RGS7: variants seen among roughly 807,000 people sequenced by gnomAD.
RGS7 encodes regulator of G protein signaling 7.
A neutral mutation model predicts 81.1 loss-of-function variants in RGS7; 27 were observed. That is an observed-to-expected ratio of 0.33 (90% CI 0.25 to 0.46). The LOEUF (loss-of-function observed/expected upper bound fraction) is 0.46. RGS7 is among the 20% of genes least tolerant of loss of function. The pLI is 1.00. For missense variants in RGS7, 396 were observed against 607.4 expected (o/e 0.65, Z 3.66); for synonymous variants, 208 against 207.7 (o/e 1.00, Z -0.01).
intron 3 of RGS7, among the ~76,000 whole-genome samples, chr1:241,089,946 A>G (rs564546892): frequency 3.6e-4 from 53 of 147,916 alleles, no homozygotes; most frequent in African/African-American, 1.3e-3. Context: ...GTGAGCCGAG[A>G]TCGCGCCACT....
intron 3 of RGS7, among the ~76,000 whole-genome samples, chr1:241,036,064 G>T (rs1572383907): frequency 6.6e-6 from 1 of 152,074 alleles, no homozygotes; most frequent in Non-Finnish European, 1.5e-5. Flanking sequence ...ACTACTAATT[G>T]CTCAATAAAC....
intron 3 of RGS7, among the ~76,000 whole-genome samples, chr1:241,044,103 GTTTTTTTTGTTTTTT>G (rs2060777730): frequency 7.1e-6 from 1 of 140,824 alleles, no homozygotes; most frequent in South Asian, 2.2e-4. Flanking sequence ...CTTTCTTTTT[GTTTTTTTTGTTTTTT>G]TTTTTTTTGG....
At chr1:240,915,689 C>A (rs1224688501) in intron 6 of RGS7, among the ~76,000 whole-genome samples, 1 of 151,336 alleles carries the variant, frequency 6.6e-6, no homozygotes, top group Non-Finnish European at 1.5e-5. Context: ...CTGTCAACAA[C>A]AAAAAAAATT....
intron 10 of RGS7, chr1:240,823,341 T>A (rs73132447): frequency 0.028 from 14,681 of 529,936 alleles, 1,657 homozygotes; most frequent in African/African-American, 0.24. Context: ...CTACTTGTTC[T>A]GGAAAATTAG....
chr1:241,198,289 C>A (rs2073234089), intron 2 of RGS7, among the ~76,000 whole-genome samples: 1 of 151,492 alleles, frequency 6.6e-6, no homozygotes, highest in Non-Finnish European at 1.5e-5. Context: ...CTCAAAAAAT[C>A]AACAAAGAGC....
chr1:241,097,350 C>A (rs1345891968), intron 3 of RGS7, among the ~76,000 whole-genome samples: 2 of 152,078 alleles, frequency 1.3e-5, no homozygotes, highest in African/African-American at 4.8e-5. Context: ...AAAAAGAAGA[C>A]ACATTTTGTT....
At chr1:240,840,006 G>A (rs1297379006) in intron 9 of RGS7, among the ~76,000 whole-genome samples, 1 of 151,968 alleles carries the variant, frequency 6.6e-6, no homozygotes. Flanking sequence ...CGAACCTACT[G>A]GCTTCCCTCC....
At chr1:241,161,689 A>G (rs575155305) in intron 2 of RGS7, among the ~76,000 whole-genome samples, 1 of 150,704 alleles carries the variant, frequency 6.6e-6, no homozygotes, top group African/African-American at 2.4e-5. Context: ...CATGTACATT[A>G]CATCTCATGT....
At chr1:241,216,463 C>T (rs2074565520) in intron 2 of RGS7, among the ~76,000 whole-genome samples, 2 of 152,034 alleles carry the variant, frequency 1.3e-5, no homozygotes, top group African/African-American at 4.8e-5. Context: ...AACGTTTTTA[C>T]CAACCCAAAC....
At chr1:241,062,446 G>T (rs145927647) in intron 3 of RGS7, among the ~76,000 whole-genome samples, 1 of 152,044 alleles carries the variant, frequency 6.6e-6, no homozygotes, top group African/African-American at 2.4e-5. Context: ...TCAGATTACC[G>T]GTGAAAATTT....
At chr1:241,045,665 G>A (rs1029444551) in intron 3 of RGS7, among the ~76,000 whole-genome samples, 7 of 152,094 alleles carry the variant, frequency 4.6e-5, no homozygotes, top group African/African-American at 1.2e-4. Flanking sequence ...CGCCTGGCCT[G>A]TCTAGGTATC....
chr1:241,281,870 C>T (rs952932639), intron 2 of RGS7, among the ~76,000 whole-genome samples: 3 of 152,208 alleles, frequency 2.0e-5, no homozygotes, highest in African/African-American at 7.2e-5. Flanking sequence ...ACTATGTTCT[C>T]AACCAATCCA....
chr1:240,935,258 A>T (rs1676431802), intron 5 of RGS7, among the ~76,000 whole-genome samples: 1 of 151,882 alleles, frequency 6.6e-6, no homozygotes, highest in Non-Finnish European at 1.5e-5. Context: ...TGTCTACTAC[A>T]TTTTCTGGGA....
Position 241,355,731 on chromosome 1 carries a change from C to T in RGS7, c.46G>A (p.Asp16Asn). ...NYGQTSNGVADESPNMLVYRK... is the reference protein window; with the variant it reads ...NYGQTSNGVANESPNMLVYRK... ...TACACCAGCATGTTGGGTGATTCAT[C>T]GGCCACCCCGTTGCTGGTCTGCCCA... Residue 16 changes from aspartate to asparagine, a missense_variant, in exon 2 of 19, where the codon GAT (aspartate) becomes AAT (asparagine). Coordinates refer to ENST00000440928, the MANE Select transcript of RGS7 (RefSeq NM_001364886.1). 1.9e-6 allele frequency: 3 copies of T among 1,614,072 alleles called. No homozygotes were observed. Among genetic ancestry groups the T allele is most frequent in the South Asian group, 1.1e-5 (1 of 91,080 alleles).
In RGS7 at chr1:240,970,460, C is replaced by A. The variant is rs115486187; in HGVS notation, c.226+12619G>T. Among the ~76,000 whole-genome samples the A allele has an allele frequency of 6.4e-3, 977 of 152,284 alleles. 13 individuals are homozygous for A. The highest frequency in any genetic ancestry group is 0.022 in the African/African-American group (934 of 41,564). On this transcript the variant is annotated intron_variant, in intron 4 of 18. Transcript: ENST00000440928. ...ATGCAGTATTTAAATGCAAACGCAA[C>A]ACCAAAAACAAATAAGGTGGGGAGT...
Position 240,802,944 on chromosome 1 carries a change from C to T in RGS7, c.1319G>A (p.Arg440Lys). ...MKSDSYPRFI[R>K]SSAYQELLQA... ...TAGAAGCTCCTGATAGGCACTGGAT[C>T]TTATAAAACGTGGGTATGAATCACT... The change falls in exon 16 of 19, where the codon AGA becomes AAA. Residue 440 changes from arginine (R) to lysine (K), a missense_variant. Physicochemically the swap from Arg to Lys is conservative, Grantham distance 26. Transcript: ENST00000440928. 1 of 1,612,728 alleles carries T rather than the reference C, an allele frequency of 6.2e-7. No homozygotes were observed. Among genetic ancestry groups the T allele is most frequent in the Non-Finnish European group, 8.5e-7 (1 of 1,178,940 alleles).
At chr1:240,859,567 A>C (rs1661816098) in intron 9 of RGS7, among the ~76,000 whole-genome samples, 1 of 147,326 alleles carries the variant, frequency 6.8e-6, no homozygotes, top group South Asian at 2.1e-4. Context: ...AGACCCTTTT[A>C]TATTTCTGAT....
At chr1:241,053,260 T>C (rs940293526) in intron 3 of RGS7, among the ~76,000 whole-genome samples, 6 of 152,174 alleles carry the variant, frequency 3.9e-5, no homozygotes, top group Non-Finnish European at 7.3e-5. Flanking sequence ...ATCTCAAATA[T>C]CTGAACAGAG....
chr1:241,276,119 G>A (rs1007592204), intron 2 of RGS7, among the ~76,000 whole-genome samples: 1 of 152,132 alleles, frequency 6.6e-6, no homozygotes, highest in African/African-American at 2.4e-5. Flanking sequence ...TGTTCTTAAC[G>A]TTTGTGTTGG....
Sources: gnomAD v4.1 joint callset for allele counts (sites outside exome capture counted in the v4.1 genomes callset) on GRCh38, gnomAD v4.1.1 for gene constraint, MANE v1.5 for transcripts, NCBI Gene and HGNC (gene_info 2026-07-23, HGNC 2026-07-21) for gene names.